Variants in TEP1 observed in about 807,000 individuals in gnomAD.
TEP1 encodes the protein telomerase associated protein 1.
A neutral mutation model predicts 306.3 loss-of-function variants in TEP1; 241 were observed. The observed-to-expected ratio is 0.79, with a 90% CI of 0.71 to 0.88. The LOEUF (loss-of-function observed/expected upper bound fraction) is 0.88. Among genes scored for constraint, TEP1 ranks in the 40% least tolerant of loss-of-function variants. The pLI is 0.00. For synonymous variants in TEP1, 1,289 were observed against 1,305.5 expected (o/e 0.99, Z 0.27); for missense variants, 3,051 against 3,276.1 (o/e 0.93, Z 1.68).
chr14:20,383,885 C>T lies in TEP1; in HGVS notation c.3568G>A (p.Gly1190Arg). ...AAGACTAATGATGCCACCTTGGCCCCATCAGGAGCCTGCAGGGCTGACACA... is the reference window on the plus strand; with the variant it reads ...AAGACTAATGATGCCACCTTGGCCCTATCAGGAGCCTGCAGGGCTGACACA... ...SLVSALQAPD[G>R]AKVASLVFFH... Residue 1190 changes from glycine to arginine, a missense_variant, in exon 25 of 55, where the codon GGG becomes AGG. Physicochemically the swap from Gly to Arg is moderately radical, Grantham distance 125. Transcript: ENST00000262715. The T allele has an allele frequency of 1.2e-6, 2 of 1,601,416 alleles. No individual in the cohort carries two copies. Among genetic ancestry groups the T allele is most frequent in the Non-Finnish European group, 1.7e-6 (2 of 1,179,068 alleles).
Position 20,380,381 on chromosome 14 carries a change from C to T in TEP1, c.4857G>A (p.Gln1619=). 6.2e-7 allele frequency: 1 copy of T among 1,614,212 alleles called. No homozygotes were observed. Among genetic ancestry groups the T allele is most frequent in the Non-Finnish European group, 8.5e-7 (1 of 1,180,038 alleles). Residue 1619 remains glutamine (Q), a synonymous_variant, in exon 34 of 55, where the codon CAG becomes CAA. Transcript: ENST00000262715. ...CCTGCTGGGGCAGGAGCCGGGGGTA[C>T]TGGCTGAGGATTGAAGCCTGCTGCC... The part of the protein sequence containing the change: ...FLRQQASILS[Q]YPRLLPQQAA...
In TEP1 at chr14:20,371,282, GA is replaced by G. The variant is rs765410027; in HGVS notation, c.7252del (p.Ser2418ProfsTer22). On this transcript the variant is annotated frameshift_variant, in exon 51 of 55. Transcript: ENST00000262715. LOFTEE classifies it high-confidence loss of function. The stretch of plus-strand genomic sequence containing the variant: ...AAATATGCCATACTCCTTGTGGGTG[GA>G]CAATATCATAGGATTTTCTGTATAG... Reference protein sequence around the residue: ...SSYTENPMILSTHKEYGIFVL... With the variant: ...SSYTENPMILXTHKEYGIFVL... The G allele has an allele frequency of 2.5e-6, 4 of 1,614,174 alleles. No individual in the cohort carries two copies. In the South Asian group the frequency reaches 4.4e-5, roughly 18 times the overall value.
At chr14:20,380,877 C>A (rs1876453147) in intron 33 of TEP1, 54 bp downstream of exon 33, 6 of 1,471,292 alleles carry the variant, frequency 4.1e-6, no homozygotes, top group Admixed American at 1.7e-5. Context: ...CCCCCATAAG[C>A]ACACCCAGGA....
chr14:20,407,839 G>A (rs755497785), intron 2 of TEP1, 34 bp downstream of exon 2: 1 of 1,515,714 alleles, frequency 6.6e-7, no homozygotes, highest in Non-Finnish European at 9.0e-7. Flanking sequence ...CAACAGACAT[G>A]GCTGGAGTCA....
At chr14:20,401,708 G>T in intron 7 of TEP1, 127 bp from the exon 8 acceptor site, 1 of 1,405,688 alleles carries the variant, frequency 7.1e-7, no homozygotes, top group Non-Finnish European at 9.7e-7. Flanking sequence ...AATAGATTTG[G>T]CCAAGGAGCA....
At position 20,399,632 on chromosome 14, in the gene TEP1, TAAAAAAAAAAAAA is replaced by T. The variant is rs71416944; in HGVS notation, c.1549+1339_1549+1351del. 5.1e-5 allele frequency among the ~76,000 whole-genome samples: 4 copies of T among 78,598 alleles called. No homozygotes were observed. In the South Asian group the frequency reaches 1.4e-3, roughly 27 times the overall value. The allele number at this position is 78,598 out of a possible 152,430, so 51.6% of individuals were successfully genotyped here. The stretch of plus-strand genomic sequence containing the variant: ...GGCAACAAAGTGAGGCCCTGTTTCT[TAAAAAAAAAAAAA>T]AAAAAAAAAAAAGTACATATACATA... On this transcript the variant is annotated intron_variant, in intron 9 of 54. Transcript: ENST00000262715.
chr14:20,384,594 G>A lies in TEP1; in HGVS notation c.3221+6C>T. 6.2e-7 allele frequency: 1 copy of A among 1,613,890 alleles called. No homozygotes were observed. Among genetic ancestry groups the A allele is most frequent in the Non-Finnish European group, 8.5e-7 (1 of 1,179,916 alleles). On this transcript the variant is annotated splice_donor_region_variant and intron_variant, in intron 22 of 54. Transcript: ENST00000262715. ...GTACAGGTGCTCCCTACCTCCCTCAGCTCACCTGCGGCAGGTGATCCCTTT... is the reference window on the plus strand; with the variant it reads ...GTACAGGTGCTCCCTACCTCCCTCAACTCACCTGCGGCAGGTGATCCCTTT...
At chr14:20,403,097 T>C (rs991745212) in intron 7 of TEP1, among the ~76,000 whole-genome samples, 2 of 147,350 alleles carry the variant, frequency 1.4e-5, no homozygotes, top group South Asian at 2.1e-4. Context: ...GTGGAGGTTG[T>C]AGTGAGCCAA....
intron 41 of TEP1, 30 bp downstream of exon 41, chr14:20,377,250 T>C (rs1885231446): frequency 2.6e-6 from 4 of 1,528,410 alleles, no homozygotes; most frequent in South Asian, 1.2e-5. Context: ...GAACAGTAAT[T>C]TGTTAACCCT....
At chr14:20,374,828 G>A (rs1429486614) in intron 43 of TEP1, among the ~76,000 whole-genome samples, 3 of 152,092 alleles carry the variant, frequency 2.0e-5, no homozygotes, top group Admixed American at 2.0e-4. Context: ...GGTGGCTCAT[G>A]CCTGTAATCC....
chr14:20,386,870 C>T (rs367833588), intron 18 of TEP1, among the ~76,000 whole-genome samples: 78 of 152,268 alleles, frequency 5.1e-4, no homozygotes, highest in Admixed American at 2.4e-3. Context: ...ATACTTACTG[C>T]TTGTTCATGA....
chr14:20,380,019 T>C lies in TEP1; in HGVS notation c.5038A>G (p.Thr1680Ala). Residue 1680 changes from threonine to alanine, a missense_variant, in exon 35 of 55, where the codon ACT becomes GCT. Physicochemically the swap from Thr to Ala is moderately conservative, Grantham distance 58. Around this residue, in one of 3 missense-constraint regions of TEP1, gnomAD observed 1,540 missense variants for 1,705.9 expected, o/e 0.90. Transcript: ENST00000262715. Reference protein sequence around the residue: ...SLSLAVSSSPTAVAFSTNGQR... With the variant: ...SLSLAVSSSPAAVAFSTNGQR... Reference sequence around the variant, plus strand: ...CCATTGGTGGAGAAGGCCACAGCAGTAGGGGATGAGGAAACTGCCAGAGAC... The same window carrying C: ...CCATTGGTGGAGAAGGCCACAGCAGCAGGGGATGAGGAAACTGCCAGAGAC... 6.2e-7 allele frequency: 1 copy of C among 1,613,850 alleles called. No individual in the cohort carries two copies. Among genetic ancestry groups the C allele is most frequent in the Non-Finnish European group, 8.5e-7 (1 of 1,179,958 alleles).
In TEP1 at chr14:20,395,542, G is replaced by T. The variant is rs1451777742; in HGVS notation, c.1836C>A (p.Cys612Ter). The T allele has an allele frequency of 6.2e-7, 1 of 1,613,876 alleles. No homozygotes were observed. Among genetic ancestry groups the T allele is most frequent in the Admixed American group, 1.7e-5 (1 of 60,024 alleles). The change falls in exon 12 of 55, where the codon TGC (cysteine) becomes TGA (stop). Residue 612 changes from cysteine to a stop codon, truncating the protein, a stop_gained. Transcript: ENST00000262715. LOFTEE classifies it high-confidence loss of function. ...TCCGAAGCTGCTGACGGCTTAGGTG[G>T]CAAAGAAACCTCCGCCTGGGACGGT... ...EKNRPRRRFL[C>*]HLSRQQLRMA...
intron 49 of TEP1, 41 bp downstream of exon 49, chr14:20,372,692 G>A (rs1884917583): frequency 6.2e-7 from 1 of 1,613,192 alleles, no homozygotes; most frequent in Non-Finnish European, 8.5e-7. Context: ...GGAGTGAGGA[G>A]ACTGCTGTTT....
At chr14:20,386,255 AG>A in intron 19 of TEP1, 60 bp from the exon 20 acceptor site, 2 of 1,608,880 alleles carry the variant, frequency 1.2e-6, no homozygotes, top group Non-Finnish European at 1.7e-6. Flanking sequence ...CAGGGAACAT[AG>A]GCACAAACAG....
At chr14:20,404,589 C>T in intron 5 of TEP1, 22 bp downstream of exon 5, 2 of 1,602,390 alleles carry the variant, frequency 1.2e-6, no homozygotes, top group Non-Finnish European at 1.7e-6. Flanking sequence ...AAGGCCCAAG[C>T]TCAGGGAAAT....
At chr14:20,393,084 G>T (rs908846395) in intron 12 of TEP1, among the ~76,000 whole-genome samples, 9 of 152,088 alleles carry the variant, frequency 5.9e-5, no homozygotes, top group African/African-American at 2.2e-4. Flanking sequence ...GGGCGTGGTG[G>T]TGGGTGCCTG....
In TEP1 at chr14:20,374,554, A is replaced by G; in HGVS notation, c.6364-18T>C. 6.3e-7 allele frequency: 1 copy of G among 1,582,034 alleles called. No homozygotes were observed. The highest frequency in any genetic ancestry group is 8.7e-7 in the Non-Finnish European group (1 of 1,155,382). On this transcript the variant is annotated intron_variant, in intron 43 of 54. Transcript: ENST00000262715. ...CAGGATATCTACAGAGTCAGAAGTC[A>G]GAGGAGTGGGATTATCAGCATCCCT...
rs534916559 is a variant in TEP1 at position 20,391,101 on chromosome 14, T to C, written c.2098-5A>G. ...CAGTGCATAGTTCAGCGGGGGCTGATTGGACAAGTGTCAGGGGAAATAAAG... is the reference window on the plus strand; with the variant it reads ...CAGTGCATAGTTCAGCGGGGGCTGACTGGACAAGTGTCAGGGGAAATAAAG... On this transcript the variant is annotated splice_region_variant and splice_polypyrimidine_tract_variant and intron_variant, in intron 13 of 54. Transcript: ENST00000262715. The C allele has an allele frequency of 3.1e-5, 50 of 1,613,760 alleles. No homozygotes were observed. The highest frequency in any genetic ancestry group is 1.8e-4 in the East Asian group (8 of 44,884).
Sources: allele counts gnomAD v4.1 joint callset (sites outside exome capture counted in the v4.1 genomes callset), GRCh38; gene constraint gnomAD v4.1.1; regional missense constraint gnomAD v4.1.1; transcripts MANE v1.5; gene names NCBI Gene and HGNC (gene_info 2026-07-23, HGNC 2026-07-21).